CNTN4: variants seen among roughly 807,000 people sequenced by gnomAD.
CNTN4 encodes contactin 4.
A neutral mutation model predicts 122.5 loss-of-function variants in CNTN4; 77 were observed. The observed-to-expected ratio is 0.63, with a 90% CI of 0.52 to 0.76. The LOEUF (loss-of-function observed/expected upper bound fraction) is 0.76, where lower values mean the gene tolerates loss of function less well. CNTN4 is among the 30% of genes least tolerant of loss of function. The pLI, the probability that CNTN4 is intolerant of heterozygous loss-of-function variation, is 0.00. For synonymous variants in CNTN4, 512 were observed against 447.0 expected (o/e 1.15, Z -1.83); for missense variants, 1,256 against 1,259.1 (o/e 1.00, Z 0.04).
At position 2,444,084 on chromosome 3, in the gene CNTN4, A is replaced by G. The variant is rs72997935; in HGVS notation, c.-89+104851A>G. 2.6e-3 allele frequency among the ~76,000 whole-genome samples: 394 copies of G among 152,082 alleles called. 2 individuals are homozygous for G. The highest frequency in any genetic ancestry group is 4.4e-3 in the Non-Finnish European group (300 of 68,004). ...TTCATGGCAATGTAATTTTGTATAT[A>G]TTTACATGTTCTTTTTAAGGCTTTT... On this transcript the variant is annotated intron_variant, in intron 3 of 24. Transcript: ENST00000418658.
rs1196709926 is a variant in CNTN4 at position 2,287,666 on chromosome 3, AGAAGAAGAAGAAGAAGAAGAAGAAGAG to A, written c.-144-51494_-144-51468del. On this transcript the variant is annotated intron_variant, in intron 2 of 24. Coordinates refer to ENST00000418658, the MANE Select transcript of CNTN4 (RefSeq NM_175607.3). ...AAGAAGAAGAAGAAGAAGAAGAAGA[AGAAGAAGAAGAAGAAGAAGAAGAAGAG>A]GAAGAAGAAGAAGAAGAGGAAGAAG... Among the ~76,000 whole-genome samples, 329 of 50,414 alleles carry A rather than the reference AGAAGAAGAAGAAGAAGAAGAAGAAGAG, an allele frequency of 6.5e-3. 3 individuals are homozygous for A. The highest frequency in any genetic ancestry group is 9.1e-3 in the Middle Eastern group (1 of 110). 33.1% of individuals were successfully genotyped at this position (50,414 alleles called of 152,430 possible).
chr3:2,707,292 C>A (rs1338619304), intron 4 of CNTN4, among the ~76,000 whole-genome samples: 2 of 150,624 alleles, frequency 1.3e-5, no homozygotes, highest in African/African-American at 2.4e-5. Context: ...GATGACAGAG[C>A]AAGACCATGT....
intron 2 of CNTN4, among the ~76,000 whole-genome samples, chr3:2,208,929 A>G (rs2038484522): frequency 6.6e-6 from 1 of 152,168 alleles, no homozygotes; most frequent in South Asian, 2.1e-4. Context: ...TGCACACCAG[A>G]TAGCCTACAG....
At chr3:2,337,212 T>C (rs766764737) in intron 2 of CNTN4, among the ~76,000 whole-genome samples, 2 of 152,180 alleles carry the variant, frequency 1.3e-5, no homozygotes, top group Non-Finnish European at 2.9e-5. Flanking sequence ...CATGATATGT[T>C]AGTTCACCCA....
intron 2 of CNTN4, among the ~76,000 whole-genome samples, chr3:2,194,041 G>A (rs1428764522): frequency 6.6e-6 from 1 of 152,130 alleles, no homozygotes; most frequent in Non-Finnish European, 1.5e-5. Flanking sequence ...AATGAAGTTA[G>A]TAACTGTACT....
chr3:3,041,223 C>G (rs1700137157), intron 20 of CNTN4: 1 of 152,338 alleles, frequency 6.6e-6, no homozygotes, highest in African/African-American at 2.4e-5. Flanking sequence ...GAGAGATCAT[C>G]CCCTTAGACT....
At chr3:2,886,777 G>A (rs368374773) in intron 9 of CNTN4, among the ~76,000 whole-genome samples, 2 of 152,094 alleles carry the variant, frequency 1.3e-5, no homozygotes, top group African/African-American at 2.4e-5. Context: ...GCCTCCCAAA[G>A]TGCCAGGATT....
intron 4 of CNTN4, among the ~76,000 whole-genome samples, chr3:2,577,632 T>C (rs75281589): frequency 2.0e-3 from 301 of 152,288 alleles, no homozygotes; most frequent in African/African-American, 7.0e-3. Context: ...TGTATGCCGA[T>C]AGGGTTAGAG....
chr3:2,237,567 G>C (rs372029626), intron 2 of CNTN4, among the ~76,000 whole-genome samples: 4 of 152,246 alleles, frequency 2.6e-5, no homozygotes, highest in African/African-American at 9.6e-5. Flanking sequence ...ATCTTGGATT[G>C]TGCTTATGCC....
intron 10 of CNTN4, chr3:2,892,160 C>T (rs534872813): frequency 6.6e-6 from 1 of 152,234 alleles, no homozygotes; most frequent in Non-Finnish European, 1.5e-5. Context: ...TCTGAAACTT[C>T]AGTGTGCATC....
At chr3:2,337,586 A>G (rs1057171355) in intron 2 of CNTN4, among the ~76,000 whole-genome samples, 1 of 152,170 alleles carries the variant, frequency 6.6e-6, no homozygotes, top group Non-Finnish European at 1.5e-5. Flanking sequence ...ATTGTTCAAG[A>G]TCACATGATT....
chr3:2,132,376 A>G (rs2034492336), intron 2 of CNTN4: 1 of 152,226 alleles, frequency 6.6e-6, no homozygotes, highest in Non-Finnish European at 1.5e-5. Context: ...CACGAGGGGC[A>G]ATAATCCACG....
intron 4 of CNTN4, among the ~76,000 whole-genome samples, chr3:2,665,830 A>T (rs542238798): frequency 1.3e-5 from 2 of 152,296 alleles, no homozygotes; most frequent in South Asian, 4.1e-4. Context: ...ACATCCTAAA[A>T]TTTTAACACT....
At chr3:2,340,710 T>TATATATATAGAGAGAGAGAG in intron 3 of CNTN4, among the ~76,000 whole-genome samples, 14 of 18,304 alleles carry the variant, frequency 7.6e-4, no homozygotes, top group African/African-American at 9.0e-4. Flanking sequence ...TATATATATA[T>TATATATATAGAGAGAGAGAG]AGAGAGAGAG....
chr3:2,429,988 A>G (rs965796656), intron 3 of CNTN4, among the ~76,000 whole-genome samples: 3 of 152,128 alleles, frequency 2.0e-5, no homozygotes, highest in Non-Finnish European at 4.4e-5. Context: ...TTGGTGAGGA[A>G]AGGGAATTCC....
chr3:2,220,051 C>T (rs1443117216), intron 2 of CNTN4, among the ~76,000 whole-genome samples: 1 of 152,130 alleles, frequency 6.6e-6, no homozygotes. Flanking sequence ...AATACAATTA[C>T]TCATTTCTTC....
At chr3:2,526,622 A>G (rs2077407031) in intron 3 of CNTN4, among the ~76,000 whole-genome samples, 1 of 152,170 alleles carries the variant, frequency 6.6e-6, no homozygotes, top group African/African-American at 2.4e-5. Context: ...TAACTATTAC[A>G]TGTAAACCAA....
intron 3 of CNTN4, among the ~76,000 whole-genome samples, chr3:2,398,222 T>C (rs1270339119): frequency 6.6e-6 from 1 of 152,130 alleles, no homozygotes; most frequent in Non-Finnish European, 1.5e-5. Context: ...GAATAGGATT[T>C]ATATCCAAAA....
intron 3 of CNTN4, among the ~76,000 whole-genome samples, chr3:2,445,326 C>G (rs1394305061): frequency 6.6e-6 from 1 of 152,112 alleles, no homozygotes; most frequent in African/African-American, 2.4e-5. Flanking sequence ...TGGGATTCCT[C>G]TCTCATAATG....
Sources: allele counts gnomAD v4.1 joint callset (sites outside exome capture counted in the v4.1 genomes callset), GRCh38; gene constraint gnomAD v4.1.1; transcripts MANE v1.5; gene names NCBI Gene and HGNC (gene_info 2026-07-23, HGNC 2026-07-21).